Variants in DDX1 observed in about 807,000 individuals in gnomAD.
DDX1 encodes DEAD-box helicase 1, also known as ATP-dependent RNA helicase DDX1.
In DDX1, 28 loss-of-function variants were observed where a neutral mutation model predicts 108.7. The observed-to-expected ratio is 0.26, with a 90% confidence interval of 0.19 to 0.35. The LOEUF (loss-of-function observed/expected upper bound fraction) is 0.35. Ranked by LOEUF, DDX1 falls within the 10% of genes least tolerant of loss-of-function variation. The probability of loss-of-function intolerance (pLI) is 1.00; values close to 1 mark genes in which losing one functional copy is unlikely to be tolerated. For missense variants in DDX1, 710 were observed against 884.5 expected (o/e 0.80, Z 2.50); for synonymous variants, 295 against 288.9 (o/e 1.02, Z -0.21).
intron 12 of DDX1, 35 bp from the exon 13 acceptor site, chr2:15,607,140 C>T: frequency 1.9e-6 from 3 of 1,598,620 alleles, no homozygotes; most frequent in Non-Finnish European, 2.6e-6. Context: ...ATAAAGTGTG[C>T]TTTGAATGTG....
At chr2:15,628,947 GAATACA>G (rs1230305375) in intron 23 of DDX1, 108 bp downstream of exon 23, 16 of 993,596 alleles carry the variant, frequency 1.6e-5, no homozygotes, top group Admixed American at 2.0e-5. Flanking sequence ...GCTGCGTATG[GAATACA>G]AATGAACTTT....
intron 13 of DDX1, 41 bp from the exon 14 acceptor site, chr2:15,613,183 A>T (rs998514024): frequency 8.2e-5 from 90 of 1,100,276 alleles, no homozygotes; most frequent in South Asian, 1.1e-4. Flanking sequence ...GCAGACTTTA[A>T]TTTTTTTTTT....
At chr2:15,592,590 A>G (rs1665433490) in intron 1 of DDX1, among the ~76,000 whole-genome samples, 1 of 152,114 alleles carries the variant, frequency 6.6e-6, no homozygotes, top group Non-Finnish European at 1.5e-5. Context: ...GCCGTCTGCT[A>G]CCCTCCTTTA....
rs970065091 is a variant in DDX1 at position 15,605,909 on chromosome 2, T to C, written c.626-41T>C. On this transcript the variant is annotated intron_variant, in intron 10 of 25. Coordinates refer to ENST00000233084, the MANE Select transcript of DDX1 (RefSeq NM_004939.3). Reference sequence around the variant, plus strand: ...ACATTGTCAGCATGAGGAAGGTCTTTTCTGATTGTTTTAATCTCTCTCTCT... The same window carrying C: ...ACATTGTCAGCATGAGGAAGGTCTTCTCTGATTGTTTTAATCTCTCTCTCT... 3 of 1,380,670 alleles carry C rather than the reference T, an allele frequency of 2.2e-6. No individual in the cohort carries two copies. The Admixed American group carries it at 7.1e-5, about 33-fold the overall frequency. 85.5% of individuals were successfully genotyped at this position (1,380,670 alleles called of 1,614,324 possible).
At chr2:15,612,876 G>A (rs1330718254) in intron 13 of DDX1, among the ~76,000 whole-genome samples, 7 of 151,782 alleles carry the variant, frequency 4.6e-5, no homozygotes, top group Middle Eastern at 3.2e-3. Flanking sequence ...GCGTGGTGGC[G>A]CGTGCCTGCA....
At chr2:15,624,706 CAT>C (rs1349311486) in intron 19 of DDX1, among the ~76,000 whole-genome samples, 2 of 152,140 alleles carry the variant, frequency 1.3e-5, no homozygotes, top group Non-Finnish European at 2.9e-5. Context: ...CAAATTATAT[CAT>C]AAACCAACAT....
intron 6 of DDX1, among the ~76,000 whole-genome samples, chr2:15,600,707 A>C (rs1665575961): frequency 6.6e-6 from 1 of 150,620 alleles, no homozygotes; most frequent in African/African-American, 2.4e-5. Flanking sequence ...TAGTAACCAA[A>C]GGACTGTATA....
chr2:15,616,062 TTGTGTGTG>T (rs58811920), intron 14 of DDX1, among the ~76,000 whole-genome samples: 1 of 148,874 alleles, frequency 6.7e-6, no homozygotes, highest in Middle Eastern at 3.2e-3. Flanking sequence ...CCGGCTAATT[TTGTGTGTG>T]TGTGTGTGTG....
At chr2:15,611,540 G>T (rs1195524972) in intron 13 of DDX1, among the ~76,000 whole-genome samples, 3 of 137,862 alleles carry the variant, frequency 2.2e-5, no homozygotes, top group African/African-American at 8.5e-5. Flanking sequence ...CCTCCCGGAC[G>T]GGGCGGCTGG....
intron 23 of DDX1, 149 bp downstream of exon 23, chr2:15,628,988 T>G (rs562956247): frequency 2.8e-6 from 2 of 717,546 alleles, no homozygotes; most frequent in South Asian, 3.8e-5. Context: ...TTTCCTATAT[T>G]CATTGAATGG....
chr2:15,601,253 G>GT (rs1665585366), intron 6 of DDX1, among the ~76,000 whole-genome samples: 1 of 152,132 alleles, frequency 6.6e-6, no homozygotes, highest in African/African-American at 2.4e-5. Context: ...ACAGACACAT[G>GT]TTTGTTTATT....
At chr2:15,602,456 C>A in intron 6 of DDX1, 92 bp from the exon 7 acceptor site, 1 of 836,246 alleles carries the variant, frequency 1.2e-6, no homozygotes, top group Non-Finnish European at 2.0e-6. Flanking sequence ...GTTAGTGAGA[C>A]TGAATGATTT....
chr2:15,593,419 T>C (rs1665449922), intron 1 of DDX1, among the ~76,000 whole-genome samples: 2 of 152,230 alleles, frequency 1.3e-5, no homozygotes, highest in African/African-American at 2.4e-5. Flanking sequence ...GTCTGTGATA[T>C]GAAATAAGAC....
chr2:15,614,478 C>T (rs1186866694), intron 14 of DDX1, among the ~76,000 whole-genome samples: 1 of 152,160 alleles, frequency 6.6e-6, no homozygotes, highest in Non-Finnish European at 1.5e-5. Context: ...ATGTCCCCAC[C>T]AAAACTCATG....
At chr2:15,629,928 T>A in intron 24 of DDX1, 62 bp from the exon 25 acceptor site, 1 of 1,463,868 alleles carries the variant, frequency 6.8e-7, no homozygotes, top group South Asian at 1.3e-5. Context: ...TATTTAATGA[T>A]GATAAAATGC....
At position 15,604,762 on chromosome 2, in the gene DDX1, TAGTA is replaced by T. The variant is rs547072981; in HGVS notation, c.625+257_625+260del. Among the ~76,000 whole-genome samples, 460 of 152,138 alleles carry T rather than the reference TAGTA, an allele frequency of 3.0e-3. 4 individuals are homozygous for T. Among genetic ancestry groups the T allele is most frequent in the Non-Finnish European group, 4.2e-3 (283 of 68,002 alleles). On this transcript the variant is annotated intron_variant, in intron 10 of 25. Coordinates refer to ENST00000233084, the MANE Select transcript of DDX1 (RefSeq NM_004939.3). ...AGACATATAATACCATGTTAGGTGG[TAGTA>T]AGTGCTGTGAAGGAGGGTATAAAGC...
intron 13 of DDX1, 151 bp downstream of exon 13, chr2:15,607,464 A>G: frequency 1.7e-6 from 1 of 587,642 alleles, no homozygotes; most frequent in East Asian, 3.1e-5. Flanking sequence ...TAATTTCCAT[A>G]TACAACTCCT....
intron 18 of DDX1, 26 bp downstream of exon 18, chr2:15,621,142 G>C (rs779223984): frequency 3.2e-6 from 5 of 1,541,302 alleles, no homozygotes; most frequent in Non-Finnish European, 4.5e-6. Context: ...CAAATGTGTT[G>C]AAAGATTTTG....
chr2:15,608,939 G>T (rs1467690269), intron 13 of DDX1, among the ~76,000 whole-genome samples: 2 of 150,724 alleles, frequency 1.3e-5, no homozygotes, highest in Non-Finnish European at 2.9e-5. Context: ...TTTGAAGATT[G>T]ATGCATGTTC....
Sources: allele counts gnomAD v4.1 joint callset (sites outside exome capture counted in the v4.1 genomes callset), GRCh38; gene constraint gnomAD v4.1.1; transcripts MANE v1.5; gene names NCBI Gene and HGNC (gene_info 2026-07-23, HGNC 2026-07-21).